CFAP299: variants seen among roughly 807,000 people sequenced by gnomAD.
CFAP299 encodes the protein cilia and flagella associated protein 299, also known as cilia- and flagella-associated protein 299.
Under a neutral mutation model 27.0 loss-of-function variants are expected in CFAP299, and 21 were observed. That is an observed-to-expected ratio of 0.78 (90% CI 0.55 to 1.12). The LOEUF is 1.12. Ranked by LOEUF, CFAP299 falls within the 50% of genes most tolerant of loss-of-function variation. The pLI, the probability that CFAP299 is intolerant of heterozygous loss-of-function variation, is 0.00. For missense variants in CFAP299, 310 were observed against 276.6 expected, an observed-to-expected ratio of 1.12 and a Z score of -0.86; for synonymous variants, 104 against 98.1, an observed-to-expected ratio of 1.06 and a Z score of -0.36.
At chr4:80,841,378 CA>C (rs1730853800) in intron 3 of CFAP299, among the ~76,000 whole-genome samples, 1 of 152,068 alleles carries the variant, frequency 6.6e-6, no homozygotes, top group Non-Finnish European at 1.5e-5. Context: ...AATGACCATA[CA>C]AAAGTTCCTG....
At chr4:80,718,624 A>G (rs1339478792) in intron 3 of CFAP299, among the ~76,000 whole-genome samples, 2 of 152,136 alleles carry the variant, frequency 1.3e-5, no homozygotes, top group Non-Finnish European at 2.9e-5. Context: ...TAGGTCACAA[A>G]TAAAGCATCA....
At chr4:80,356,572 T>C (rs895653176) in intron 1 of CFAP299, among the ~76,000 whole-genome samples, 3 of 152,136 alleles carry the variant, frequency 2.0e-5, no homozygotes, top group Admixed American at 2.0e-4. Context: ...GCTGTATTCC[T>C]ATGTGTTTTA....
intron 3 of CFAP299, among the ~76,000 whole-genome samples, chr4:80,704,143 A>T (rs1247715544): frequency 6.6e-6 from 1 of 151,732 alleles, no homozygotes; most frequent in Non-Finnish European, 1.5e-5. Context: ...ACATGGAATC[A>T]AGAGTAAGAG....
chr4:80,877,865 T>C (rs925972010), intron 4 of CFAP299, among the ~76,000 whole-genome samples: 36 of 152,138 alleles, frequency 2.4e-4, no homozygotes, highest in African/African-American at 8.2e-4. Flanking sequence ...TTAACATTTT[T>C]CCAAACTTGC....
chr4:80,395,034 A>G (rs1228928297), intron 2 of CFAP299, among the ~76,000 whole-genome samples: 1 of 152,076 alleles, frequency 6.6e-6, no homozygotes, highest in Non-Finnish European at 1.5e-5. Flanking sequence ...ATTTTTGACA[A>G]TATTAATTAT....
At chr4:80,947,505 AGTT>A (rs980699253) in intron 5 of CFAP299, among the ~76,000 whole-genome samples, 2 of 152,048 alleles carry the variant, frequency 1.3e-5, no homozygotes, top group African/African-American at 4.8e-5. Context: ...GAGTTGTTGT[AGTT>A]GTTGTGTTGT....
intron 3 of CFAP299, among the ~76,000 whole-genome samples, chr4:80,837,927 C>T (rs540365205): frequency 1.1e-4 from 16 of 152,188 alleles, no homozygotes; most frequent in Non-Finnish European, 2.2e-4. Context: ...TCCTCTCCAG[C>T]ACCTGTTGTT....
At position 80,546,574 on chromosome 4, in the gene CFAP299, A is replaced by G. The variant is rs138841699; in HGVS notation, c.243-36519A>G. Among the ~76,000 whole-genome samples, 692 of 152,246 alleles carry G rather than the reference A, an allele frequency of 4.5e-3. 5 individuals carry two copies. The highest frequency in any genetic ancestry group is 0.016 in the African/African-American group (650 of 41,556). On this transcript the variant is annotated intron_variant, in intron 2 of 5. Coordinates refer to ENST00000358105, the MANE Select transcript of CFAP299 (RefSeq NM_152770.3). Reference sequence around the variant, plus strand: ...ATCTCATGTTGAAATGTAATCCCCAATGTTGAAGGTAGGACCTGGTGGGAG... The same window carrying G: ...ATCTCATGTTGAAATGTAATCCCCAGTGTTGAAGGTAGGACCTGGTGGGAG...
intron 3 of CFAP299, among the ~76,000 whole-genome samples, chr4:80,856,810 T>C (rs1212545667): frequency 1.3e-5 from 2 of 152,066 alleles, no homozygotes; most frequent in Non-Finnish European, 2.9e-5. Flanking sequence ...ACTGTAGCCT[T>C]GTAGTATAGT....
chr4:80,387,857 G>C, intron 2 of CFAP299: 2 of 1,290,644 alleles, frequency 1.5e-6, no homozygotes, highest in South Asian at 2.4e-5. Context: ...TTAGCCCGTG[G>C]GGTCTTCAGC....
intron 4 of CFAP299, among the ~76,000 whole-genome samples, chr4:80,943,649 GAT>G (rs923550961): frequency 1.3e-5 from 2 of 151,972 alleles, no homozygotes; most frequent in African/African-American, 4.8e-5. Context: ...TATTTTATAA[GAT>G]ATGTAAAAAT....
intron 2 of CFAP299, among the ~76,000 whole-genome samples, chr4:80,573,417 C>T (rs1030535269): frequency 6.6e-6 from 1 of 151,998 alleles, no homozygotes; most frequent in African/African-American, 2.4e-5. Flanking sequence ...TGGGTTGTCT[C>T]TTTACTTTGT....
At position 80,376,071 on chromosome 4, in the gene CFAP299, C is replaced by T. The variant is rs529199572; in HGVS notation, c.242+13187C>T. 3.9e-5 allele frequency among the ~76,000 whole-genome samples: 6 copies of T among 152,328 alleles called. No homozygotes were observed. The South Asian group carries it at 1.2e-3, about 32-fold the overall frequency. ...TTTTCATTACCGCAAAAAGTTTCCT[C>T]ATGCCTCACTGTATTCTTTGTAGCC... On this transcript the variant is annotated intron_variant, in intron 2 of 5. Coordinates refer to ENST00000358105, the MANE Select transcript of CFAP299 (RefSeq NM_152770.3).
intron 3 of CFAP299, among the ~76,000 whole-genome samples, chr4:80,717,527 C>G (rs1439927540): frequency 6.6e-6 from 1 of 152,194 alleles, no homozygotes; most frequent in Non-Finnish European, 1.5e-5. Context: ...GAAAAAACAT[C>G]TAAAGTCCTG....
intron 2 of CFAP299, among the ~76,000 whole-genome samples, chr4:80,426,010 G>A (rs955662918): frequency 6.6e-6 from 1 of 152,172 alleles, no homozygotes; most frequent in African/African-American, 2.4e-5. Flanking sequence ...GTACACAAAA[G>A]AAAGGGATCA....
chr4:80,864,332 C>T (rs1326458771), intron 3 of CFAP299, among the ~76,000 whole-genome samples: 1 of 150,370 alleles, frequency 6.7e-6, no homozygotes, highest in African/African-American at 2.4e-5. Flanking sequence ...TCAAGGGGCT[C>T]TTTTGACCTA....
At chr4:80,493,936 C>T (rs373081159) in intron 2 of CFAP299, among the ~76,000 whole-genome samples, 11 of 151,308 alleles carry the variant, frequency 7.3e-5, no homozygotes, top group South Asian at 2.1e-4. Context: ...CCACCACGCC[C>T]GGCTAATTTT....
chr4:80,689,966 A>G (rs1018766092), intron 3 of CFAP299, among the ~76,000 whole-genome samples: 5 of 150,530 alleles, frequency 3.3e-5, no homozygotes, highest in African/African-American at 1.2e-4. Flanking sequence ...ATAATGGTAA[A>G]GGGATCAATT....
intron 3 of CFAP299, among the ~76,000 whole-genome samples, chr4:80,730,264 G>C (rs1188778159): frequency 6.7e-6 from 1 of 149,414 alleles, no homozygotes; most frequent in South Asian, 2.2e-4. Flanking sequence ...GTGTGTGTGT[G>C]TGTGTGTGTG....
Sources: gnomAD v4.1 joint callset for allele counts (sites outside exome capture counted in the v4.1 genomes callset) on GRCh38, gnomAD v4.1.1 for gene constraint, MANE v1.5 for transcripts, NCBI Gene and HGNC (gene_info 2026-07-23, HGNC 2026-07-21) for gene names.